NOMO3: variants seen among roughly 807,000 people sequenced by gnomAD.
NOMO3 encodes the protein BOS complex subunit NOMO3.
A neutral mutation model predicts 69.9 loss-of-function variants in NOMO3; 15 were observed. That is an observed-to-expected ratio of 0.21 (90% CI 0.14 to 0.33). NOMO3 has a LOEUF of 0.33. Among genes scored for constraint, NOMO3 ranks in the 10% least tolerant of loss-of-function variants. The pLI is 1.00. For missense variants in NOMO3, 218 were observed against 761.0 expected (o/e 0.29, Z 8.39); for synonymous variants, 89 against 301.9 (o/e 0.29, Z 7.31).
rs2049472390 is a variant in NOMO3, at chr16:16,252,494, C to T, written c.935C>T (p.Thr312Ile). ...FDVAPSRLDF[T>I]VEHDSLKIEP... ...GTGGCGCCTTCCAGACTTGACTTCA[C>T]AGTGGAGCATGACAGCTTGAAAATC... The change falls in exon 9 of 31, where the codon ACA becomes ATA. Residue 312 changes from threonine to isoleucine, a missense_variant. Coordinates refer to ENST00000399336, the MANE Select transcript of NOMO3 (RefSeq NM_001004067.4). The T allele has an allele frequency of 1.9e-6, 2 of 1,038,298 alleles. No homozygotes were observed. The highest frequency in any genetic ancestry group is 2.7e-6 in the Non-Finnish European group (2 of 732,538). The allele number at this position is 1,038,298 out of a possible 1,614,324, so 64.3% of individuals were successfully genotyped here.
chr16:16,238,904 C>A, intron 2 of NOMO3, among the ~76,000 whole-genome samples: 1 of 131,962 alleles, frequency 7.6e-6, no homozygotes, highest in South Asian at 2.4e-4. Flanking sequence ...ATGGTGCAAC[C>A]CCGTCTCTAC....
At position 16,261,523 on chromosome 16, in the gene NOMO3, A is replaced by G. The variant is rs2049565775; in HGVS notation, c.1242A>G (p.Ile414Met). 6.3e-7 allele frequency: 1 copy of G among 1,588,354 alleles called. No homozygotes were observed. Residue 414 changes from isoleucine to methionine, a missense_variant, in exon 12 of 31, where the codon ATA (isoleucine) becomes ATG (methionine). Physicochemically the swap from Ile to Met is conservative, Grantham distance 10. Transcript: ENST00000399336. ...GCAGGTTCAGTGTCTGTGGTCAGAT[A>G]TCAATCATTCGCTTCCCCGACACCG... ...VATGFSVCGQ[I>M]SIIRFPDTVK...
intron 5 of NOMO3, among the ~76,000 whole-genome samples, chr16:16,246,664 C>A (rs1161150411): frequency 7.7e-6 from 1 of 129,124 alleles, no homozygotes; most frequent in Admixed American, 7.5e-5. Context: ...TAGTTCATTT[C>A]ACCGGACTTA....
In NOMO3 at chr16:16,270,311, A is replaced by G; in HGVS notation, c.1958+127A>G. ...AAAGAGGCAAGGTTAGGCCTTCAAC[A>G]GCATTTCTAGATAAGGATTTTAAGA... On this transcript the variant is annotated intron_variant, in intron 17 of 30. Coordinates refer to ENST00000399336, the MANE Select transcript of NOMO3 (RefSeq NM_001004067.4). 5 of 1,451,778 alleles carry G rather than the reference A, an allele frequency of 3.4e-6. 1 individual carries two copies. The South Asian group carries it at 6.2e-5, about 18-fold the overall frequency. The allele number at this position is 1,451,778 out of a possible 1,614,324, so 89.9% of individuals were successfully genotyped here.
intron 16 of NOMO3, among the ~76,000 whole-genome samples, chr16:16,269,183 G>A (rs1308216073): frequency 7.0e-6 from 1 of 143,168 alleles, no homozygotes; most frequent in Non-Finnish European, 1.5e-5. Context: ...GGGCCACTTA[G>A]GCCTGCCTCC....
rs2049288927 is a variant in NOMO3, at chr16:16,232,554, G to A, written c.-113G>A. On this transcript the variant is annotated 5_prime_UTR_variant, in exon 1 of 31. Coordinates refer to ENST00000399336, the MANE Select transcript of NOMO3 (RefSeq NM_001004067.4). ...CGCGGCGGCGGCTGGCGGCGGCGGTGGGGCGGGGCCTGGGCTGTCAGCCGG... is the reference window on the plus strand; with the variant it reads ...CGCGGCGGCGGCTGGCGGCGGCGGTAGGGCGGGGCCTGGGCTGTCAGCCGG... 8 of 1,203,142 alleles carry A rather than the reference G, an allele frequency of 6.6e-6. No homozygotes were observed. The highest frequency in any genetic ancestry group is 8.4e-6 in the Non-Finnish European group (8 of 954,648). The allele number at this position is 1,203,142 out of a possible 1,614,324, so 74.5% of individuals were successfully genotyped here.
intron 6 of NOMO3, among the ~76,000 whole-genome samples, chr16:16,248,767 C>T (rs2049437310): frequency 6.6e-6 from 1 of 152,006 alleles, no homozygotes; most frequent in African/African-American, 2.4e-5. Context: ...AGGGAGGATA[C>T]AGTCTTATGT....
rs866037717 is a variant in NOMO3 at position 16,232,607 on chromosome 16, T to G, written c.-60T>G. The G allele has an allele frequency of 0.011, 4,516 of 402,426 alleles. 172 individuals are homozygous for G. Among genetic ancestry groups the G allele is most frequent in the African/African-American group, 0.086 (4,023 of 46,752 alleles). The allele number at this position is 402,426 out of a possible 1,614,324, so 24.9% of individuals were successfully genotyped here. A position where few individuals can be genotyped will look rare whatever the true frequency, so the allele number is the denominator to read the frequency against. On this transcript the variant is annotated 5_prime_UTR_variant, in exon 1 of 31. Transcript: ENST00000399336. Reference sequence around the variant, plus strand: ...TAGGAGGAGGAAGGAGCCTGCGGCGTGCAGTGTGAGGGGCGGGACCCGGCT... The same window carrying G: ...TAGGAGGAGGAAGGAGCCTGCGGCGGGCAGTGTGAGGGGCGGGACCCGGCT...
Position 16,263,543 on chromosome 16 carries a change from AG to A in NOMO3, c.1569del (p.Gln523HisfsTer3). On this transcript the variant is annotated frameshift_variant, in exon 14 of 31. Transcript: ENST00000399336. LOFTEE classifies it high-confidence loss of function. ...TGTGGTGACTTGCTGGTGACTCTAC[AG>A]TCCCTGAGCCGCCAGGGTGAGAAGC... ...DTCGDLLVTL[Q>X]SLSRQGEKRS... The A allele has an allele frequency of 1.7e-6, 2 of 1,167,666 alleles. No homozygotes were observed. Among genetic ancestry groups the A allele is most frequent in the South Asian group, 3.1e-5 (2 of 63,612 alleles). The allele number at this position is 1,167,666 out of a possible 1,614,324, so 72.3% of individuals were successfully genotyped here. A position where few individuals can be genotyped will look rare whatever the true frequency, so the allele number is the denominator to read the frequency against.
chr16:16,250,802 AT>A, intron 6 of NOMO3, 125 bp from the exon 7 acceptor site: 1 of 517,386 alleles, frequency 1.9e-6, no homozygotes, highest in Non-Finnish European at 3.3e-6. Flanking sequence ...AGAAGTGATC[AT>A]ACTGAATAAG....
intron 16 of NOMO3, 101 bp from the exon 17 acceptor site, chr16:16,270,020 G>C: frequency 1.3e-6 from 2 of 1,576,334 alleles, no homozygotes; most frequent in South Asian, 1.1e-5. Context: ...ATACATTTGA[G>C]TTTTCACATG....
intron 2 of NOMO3, among the ~76,000 whole-genome samples, chr16:16,238,239 T>G (rs1377740246): frequency 1.4e-5 from 2 of 138,856 alleles, no homozygotes; most frequent in Non-Finnish European, 3.0e-5. Context: ...ACTGACTTTT[T>G]TTTTTTTTTT....
At chr16:16,260,303 T>G (rs1439758290) in intron 11 of NOMO3, among the ~76,000 whole-genome samples, 1 of 138,458 alleles carries the variant, frequency 7.2e-6, no homozygotes, top group East Asian at 2.4e-4. Flanking sequence ...ATGTAATTTT[T>G]ACATGTGAAA....
intron 29 of NOMO3, among the ~76,000 whole-genome samples, chr16:16,291,836 T>TTTTA (rs1302552000): frequency 1.3e-5 from 1 of 79,730 alleles, no homozygotes; most frequent in Admixed American, 1.1e-4. Flanking sequence ...TGAATTAAAC[T>TTTTA]TTTATTTATT....
rs434062 is a variant in NOMO3 at position 16,268,502 on chromosome 16, C to T, written c.1894+1371C>T. On this transcript the variant is annotated intron_variant, in intron 16 of 30. Transcript: ENST00000399336. ...CTAATGAATAATTCAGTGGCTCCTC[C>T]GTTTGGTTCCCAAGATAAAATACAA... 3.4e-4 allele frequency among the ~76,000 whole-genome samples: 49 copies of T among 143,828 alleles called. 2 individuals carry two copies. Among genetic ancestry groups the T allele is most frequent in the Admixed American group, 6.0e-4 (9 of 14,908 alleles). The allele number at this position is 143,828 out of a possible 152,430, so 94.4% of individuals were successfully genotyped here. A position where few individuals can be genotyped will look rare whatever the true frequency, so the allele number is the denominator to read the frequency against.
rs749544353 is a variant in NOMO3, at chr16:16,263,145, C to T, written c.1467C>T (p.Thr489=). Residue 489 remains threonine (T), a synonymous_variant, in exon 13 of 31, where the codon ACC becomes ACT. Coordinates refer to ENST00000399336, the MANE Select transcript of NOMO3 (RefSeq NM_001004067.4). ...CCCAGACATTTCCTCTTACTGTGAC[C>T]GACAGGCCTGTGATGGATGTGGCCT... ...LKPQTFPLTV[T]DRPVMDVAFV... 2.6e-5 allele frequency: 42 copies of T among 1,590,620 alleles called. 2 individuals carry two copies. Among genetic ancestry groups the T allele is most frequent in the South Asian group, 1.0e-4 (9 of 89,314 alleles).
intron 15 of NOMO3, chr16:16,266,790 G>A (rs2049623374): frequency 2.0e-6 from 1 of 498,380 alleles, no homozygotes; most frequent in Non-Finnish European, 3.5e-6. Flanking sequence ...GAGAGCAGGA[G>A]CCATGGTCAT....
rs1427279398 is a variant in NOMO3, at chr16:16,267,038, C to A, written c.1807-6C>A. On this transcript the variant is annotated splice_polypyrimidine_tract_variant and splice_region_variant and intron_variant, in intron 15 of 30. Coordinates refer to ENST00000399336, the MANE Select transcript of NOMO3 (RefSeq NM_001004067.4). ...GTAAGTCATTGTATTGGCTTTGCTC[C>A]CTTAGGAATTTTATCAGGATGGAAA... 1 of 875,118 alleles carries A rather than the reference C, an allele frequency of 1.1e-6. No individual in the cohort carries two copies. Among genetic ancestry groups the A allele is most frequent in the South Asian group, 1.5e-5 (1 of 66,924 alleles). 54.2% of individuals were successfully genotyped at this position (875,118 alleles called of 1,614,324 possible).
intron 12 of NOMO3, among the ~76,000 whole-genome samples, chr16:16,262,750 C>T (rs558835505): frequency 1.6e-4 from 22 of 139,296 alleles, no homozygotes; most frequent in African/African-American, 2.5e-4. Flanking sequence ...GATCCGAAGC[C>T]GGGAAAAGTG....
Sources: allele counts gnomAD v4.1 joint callset (sites outside exome capture counted in the v4.1 genomes callset), GRCh38; gene constraint gnomAD v4.1.1; transcripts MANE v1.5; gene names NCBI Gene and HGNC (gene_info 2026-07-23, HGNC 2026-07-21).